Variants in SAMD5 observed in about 807,000 individuals in gnomAD.
SAMD5 encodes sterile alpha motif domain-containing protein 5.
In SAMD5, 13 loss-of-function variants were observed where a neutral mutation model predicts 11.3. The observed-to-expected ratio is 1.15, with a 90% CI of 0.75 to 1.83. The LOEUF (loss-of-function observed/expected upper bound fraction) is 1.83, where lower values mean the gene tolerates loss of function less well. SAMD5 is among the 40% of genes most tolerant of loss of function. The pLI is 0.00. For synonymous variants in SAMD5, 129 were observed against 111.3 expected, an observed-to-expected ratio of 1.16 and a Z score of -1.00; for missense variants, 255 against 239.1, an observed-to-expected ratio of 1.07 and a Z score of -0.44.
the SAMD5 span, among the ~76,000 whole-genome samples, chr6:147,932,764 G>A: frequency 1.3e-5 from 2 of 152,016 alleles, no homozygotes; most frequent in African/African-American, 4.8e-5. Flanking sequence ...TCACTTTGGT[G>A]TTCATGGTAA....
At chr6:147,712,355 A>G (rs1235325838) in intron 1 of SAMD5, among the ~76,000 whole-genome samples, 2 of 152,344 alleles carry the variant, frequency 1.3e-5, no homozygotes, top group East Asian at 1.9e-4. Flanking sequence ...TGTGTTCTAG[A>G]CTTTTAAAAC....
At chr6:147,737,606 T>C (rs1208394461), downstream of SAMD5, 2 of 151,900 alleles carry the variant, frequency 1.3e-5, no homozygotes, top group African/African-American at 5.0e-5. Context: ...AAAATAAGAA[T>C]AATCCTGGAA....
chr6:147,785,224 G>A, the SAMD5 span, among the ~76,000 whole-genome samples: 1 of 152,096 alleles, frequency 6.6e-6, no homozygotes, highest in Non-Finnish European at 1.5e-5. Context: ...AAAAGTACTT[G>A]TTGGGCTCCC....
the SAMD5 span, among the ~76,000 whole-genome samples, chr6:147,781,664 C>T: frequency 6.6e-6 from 1 of 152,028 alleles, no homozygotes; most frequent in South Asian, 2.1e-4. Context: ...ATAACAGAAG[C>T]ACCCTCACAG....
chr6:147,558,898 G>A (rs1788900637), intron 1 of SAMD5, among the ~76,000 whole-genome samples: 2 of 152,106 alleles, frequency 1.3e-5, no homozygotes, highest in Non-Finnish European at 2.9e-5. Flanking sequence ...CTTCCACTCC[G>A]CCTGAAAATA....
chr6:147,697,029 C>T (rs1217175406), intron 1 of SAMD5, among the ~76,000 whole-genome samples: 4 of 152,190 alleles, frequency 2.6e-5, no homozygotes, highest in African/African-American at 9.6e-5. Context: ...GTGAGGCCCA[C>T]TTCCTCGTGT....
At chr6:147,775,166 G>C in the SAMD5 span, among the ~76,000 whole-genome samples, 30 of 152,108 alleles carry the variant, frequency 2.0e-4, no homozygotes, top group Non-Finnish European at 2.9e-5. Context: ...CTTGAACCTT[G>C]ACTGGGTCCC....
chr6:147,680,738 A>G lies in SAMD5; in HGVS notation c.163-56579A>G, dbSNP rs187113248. On this transcript the variant is annotated intron_variant, in intron 1 of 1. Coordinates refer to the SAMD5 transcript ENST00000566741. ...TAGGAACGGATACTGGATTCTGTCA[A>G]ATATTTTTTCTGAATCTACATTGTT... Among the ~76,000 whole-genome samples the G allele has an allele frequency of 8.9e-4, 136 of 152,210 alleles. 2 individuals carry two copies. Among genetic ancestry groups the G allele is most frequent in the Admixed American group, 8.7e-3 (133 of 15,292 alleles).
the SAMD5 span, among the ~76,000 whole-genome samples, chr6:147,820,717 T>C: frequency 6.6e-6 from 1 of 152,194 alleles, no homozygotes; most frequent in Non-Finnish European, 1.5e-5. Flanking sequence ...TTGTGCAGTG[T>C]TAGAGATGTC....
At chr6:147,640,292 C>T (rs1485088738) in intron 1 of SAMD5, among the ~76,000 whole-genome samples, 1 of 149,964 alleles carries the variant, frequency 6.7e-6, no homozygotes, top group African/African-American at 2.5e-5. Context: ...CATACCACTG[C>T]ACTCCAGCCT....
the SAMD5 span, among the ~76,000 whole-genome samples, chr6:147,764,043 A>G: frequency 6.6e-6 from 1 of 152,228 alleles, no homozygotes; most frequent in Non-Finnish European, 1.5e-5. Context: ...CTCTTATCCA[A>G]AAAAAGAAAA....
intron 1 of SAMD5, among the ~76,000 whole-genome samples, chr6:147,669,414 C>T (rs1375966367): frequency 6.8e-6 from 1 of 146,608 alleles, no homozygotes; most frequent in South Asian, 2.2e-4. Flanking sequence ...TCTTCAAGCT[C>T]CACTTCTTTT....
At chr6:147,932,130 A>G in the SAMD5 span, among the ~76,000 whole-genome samples, 3 of 152,178 alleles carry the variant, frequency 2.0e-5, no homozygotes, top group African/African-American at 7.2e-5. Flanking sequence ...TTATCATTAT[A>G]TATAGCATAT....
chr6:147,913,233 T>A, the SAMD5 span, among the ~76,000 whole-genome samples: 1 of 152,184 alleles, frequency 6.6e-6, no homozygotes, highest in East Asian at 1.9e-4. Context: ...AAGAACTAGT[T>A]CAGGTAATTT....
chr6:147,543,060 A>G (rs1788630817), intron 1 of SAMD5, among the ~76,000 whole-genome samples: 1 of 152,180 alleles, frequency 6.6e-6, no homozygotes, highest in Non-Finnish European at 1.5e-5. Context: ...AGGCCTGGCA[A>G]CTGTGAGGAA....
chr6:147,555,842 A>G (rs1356932535), intron 1 of SAMD5, among the ~76,000 whole-genome samples: 1 of 152,130 alleles, frequency 6.6e-6, no homozygotes, highest in African/African-American at 2.4e-5. Flanking sequence ...GAATATCTAC[A>G]ATTATTTATC....
chr6:147,809,329 G>T, the SAMD5 span, among the ~76,000 whole-genome samples: 2 of 152,052 alleles, frequency 1.3e-5, no homozygotes, highest in Non-Finnish European at 2.9e-5. Context: ...AGCTGCTATA[G>T]CCTGGGCATG....
the SAMD5 span, among the ~76,000 whole-genome samples, chr6:147,789,912 G>T: frequency 6.6e-6 from 1 of 152,190 alleles, no homozygotes; most frequent in African/African-American, 2.4e-5. Flanking sequence ...TATTAGAAGG[G>T]CTAAAATCCA....
At chr6:147,853,402 A>C in the SAMD5 span, among the ~76,000 whole-genome samples, 1 of 151,996 alleles carries the variant, frequency 6.6e-6, no homozygotes, top group East Asian at 1.9e-4. Context: ...CAGGAAGCTA[A>C]ATTAATATCA....
Sources: gnomAD v4.1 joint callset for allele counts (sites outside exome capture counted in the v4.1 genomes callset) on GRCh38, gnomAD v4.1.1 for gene constraint, MANE v1.5 for transcripts, NCBI Gene and HGNC (gene_info 2026-07-23, HGNC 2026-07-21) for gene names.